CDH18: variants seen among roughly 807,000 people sequenced by gnomAD.
CDH18 encodes the protein cadherin 18, also known as cadherin-18.
CDH18 carries 31 observed loss-of-function variants against 67.9 expected under a neutral mutation model. That is an observed-to-expected ratio of 0.46 (90% CI 0.34 to 0.62). The LOEUF is 0.62. Ranked by LOEUF, CDH18 falls within the 20% of genes least tolerant of loss-of-function variation. The pLI, the probability that CDH18 is intolerant of heterozygous loss-of-function variation, is 0.01. For synonymous variants in CDH18, 362 were observed against 347.2 expected, an observed-to-expected ratio of 1.04 and a Z score of -0.48; for missense variants, 890 against 975.5, an observed-to-expected ratio of 0.91 and a Z score of 1.17.
intron 2 of CDH18, among the ~76,000 whole-genome samples, chr5:19,943,818 C>T (rs533869795): frequency 1.1e-4 from 16 of 151,992 alleles, no homozygotes; most frequent in Middle Eastern, 3.4e-3. Flanking sequence ...GAAATATACC[C>T]AATGCTGTGC....
At chr5:19,975,173 C>A (rs910015840) in intron 2 of CDH18, among the ~76,000 whole-genome samples, 1 of 151,984 alleles carries the variant, frequency 6.6e-6, no homozygotes, top group Admixed American at 6.6e-5. Context: ...TATATAAAAT[C>A]TCAGTTCAAA....
At chr5:20,139,530 A>G (rs1440245799) in intron 2 of CDH18, among the ~76,000 whole-genome samples, 2 of 152,206 alleles carry the variant, frequency 1.3e-5, no homozygotes, top group African/African-American at 4.8e-5. Flanking sequence ...GTGAACAGGT[A>G]ACCTACAGAA....
chr5:20,318,280 A>G (rs2150001533), intron 1 of CDH18, among the ~76,000 whole-genome samples: 1 of 152,160 alleles, frequency 6.6e-6, no homozygotes, highest in South Asian at 2.1e-4. Context: ...CCAAAGTGGG[A>G]GTTTATTTAC....
chr5:20,135,061 C>A (rs1447763283), intron 2 of CDH18, among the ~76,000 whole-genome samples: 1 of 152,052 alleles, frequency 6.6e-6, no homozygotes, highest in Non-Finnish European at 1.5e-5. Flanking sequence ...GTGAGACAGG[C>A]CTGGAGAGAG....
At chr5:19,519,904 GAC>G (rs1746617526) in intron 10 of CDH18, among the ~76,000 whole-genome samples, 1 of 152,152 alleles carries the variant, frequency 6.6e-6, no homozygotes, top group Non-Finnish European at 1.5e-5. Flanking sequence ...AGCCCTAGCA[GAC>G]ACCTTGATTA....
chr5:19,504,173 G>A (rs767387840), intron 10 of CDH18, among the ~76,000 whole-genome samples: 1 of 152,048 alleles, frequency 6.6e-6, no homozygotes, highest in Non-Finnish European at 1.5e-5. Flanking sequence ...GTGGGGGTGA[G>A]TGACAGTAAC....
intron 1 of CDH18, among the ~76,000 whole-genome samples, chr5:20,568,280 T>C (rs912959596): frequency 1.3e-5 from 2 of 152,196 alleles, no homozygotes; most frequent in African/African-American, 2.4e-5. Context: ...TTTCCCTCTA[T>C]CAAAGGAATT....
chr5:19,932,387 A>G (rs1031887392), intron 2 of CDH18, among the ~76,000 whole-genome samples: 3 of 151,754 alleles, frequency 2.0e-5, no homozygotes, highest in Non-Finnish European at 4.4e-5. Flanking sequence ...ATTCTCTACA[A>G]CAATCCCATC....
At chr5:19,730,386 A>G (rs557517105) in intron 4 of CDH18, among the ~76,000 whole-genome samples, 1 of 152,320 alleles carries the variant, frequency 6.6e-6, no homozygotes, top group East Asian at 1.9e-4. Flanking sequence ...CCAAACATAA[A>G]GGTTAGGTTC....
chr5:20,103,146 C>G (rs1446021906), intron 2 of CDH18, among the ~76,000 whole-genome samples: 1 of 152,134 alleles, frequency 6.6e-6, no homozygotes, highest in Non-Finnish European at 1.5e-5. Flanking sequence ...CCAGTACAGA[C>G]AAGCGTTCTT....
At chr5:20,570,949 A>G (rs902425527) in intron 1 of CDH18, among the ~76,000 whole-genome samples, 4 of 152,176 alleles carry the variant, frequency 2.6e-5, no homozygotes, top group African/African-American at 9.6e-5. Flanking sequence ...GATCATAGCA[A>G]CAAGAGAGCA....
chr5:19,950,493 A>G (rs1254669071), intron 2 of CDH18, among the ~76,000 whole-genome samples: 1 of 152,132 alleles, frequency 6.6e-6, no homozygotes, highest in African/African-American at 2.4e-5. Flanking sequence ...GTAACCAAAC[A>G]ACAGCTGTTC....
chr5:19,553,625 G>T (rs75803569), intron 8 of CDH18, among the ~76,000 whole-genome samples: 5,561 of 146,272 alleles, frequency 0.038, 156 homozygotes, highest in East Asian at 0.058. Flanking sequence ...CCACAACTTG[G>T]TCTCATACTT....
At chr5:20,007,589 T>C (rs967507313) in intron 2 of CDH18, among the ~76,000 whole-genome samples, 3 of 151,814 alleles carry the variant, frequency 2.0e-5, no homozygotes, top group East Asian at 1.9e-4. Flanking sequence ...AAAGTGTGAA[T>C]AGTGCAGAAT....
At chr5:19,974,948 A>G (rs759287747) in intron 2 of CDH18, among the ~76,000 whole-genome samples, 4 of 151,956 alleles carry the variant, frequency 2.6e-5, no homozygotes, top group Non-Finnish European at 5.9e-5. Flanking sequence ...CCATCTAGGA[A>G]CTCTATGACT....
chr5:19,836,151 T>A (rs1781600062), intron 3 of CDH18, among the ~76,000 whole-genome samples: 1 of 152,196 alleles, frequency 6.6e-6, no homozygotes, highest in Non-Finnish European at 1.5e-5. Context: ...TAAAATATTT[T>A]TAATAATAAA....
chr5:19,699,628 G>GTGTGTGTGTGTC (rs1348550861), intron 5 of CDH18, among the ~76,000 whole-genome samples: 47 of 124,876 alleles, frequency 3.8e-4, no homozygotes, highest in South Asian at 1.1e-3. Context: ...GTGTGTGTGT[G>GTGTGTGTGTGTC]TGTGTGTGTG....
rs201531128 is a variant in CDH18, at chr5:20,334,748, T to A, written c.-579-79243A>T. On this transcript the variant is annotated intron_variant, in intron 1 of 14. Coordinates refer to the CDH18 transcript ENST00000507958. ...GCTATGATCTCTCTCTCTCTCTCTC[T>A]CTCATACACACACACACACACACAC... is the stretch of plus-strand genomic sequence containing the variant. Among the ~76,000 whole-genome samples, 1,118 of 117,568 alleles carry A rather than the reference T, an allele frequency of 9.5e-3. 12 individuals are homozygous for A. Among genetic ancestry groups the A allele is most frequent in the Non-Finnish European group, 9.8e-3 (581 of 59,320 alleles). The allele number at this position is 117,568 out of a possible 152,430, so 77.1% of individuals were successfully genotyped here.
intron 1 of CDH18, among the ~76,000 whole-genome samples, chr5:20,545,484 G>A (rs1216994158): frequency 6.6e-6 from 1 of 152,152 alleles, no homozygotes; most frequent in Admixed American, 6.6e-5. Flanking sequence ...CTAGGCTAAG[G>A]TTCCCAAAGC....
Sources: gnomAD v4.1 joint callset for allele counts (sites outside exome capture counted in the v4.1 genomes callset) on GRCh38, gnomAD v4.1.1 for gene constraint, MANE v1.5 for transcripts, NCBI Gene and HGNC (gene_info 2026-07-23, HGNC 2026-07-21) for gene names.